ACACB: variants seen among roughly 807,000 people sequenced by gnomAD.
ACACB encodes acetyl-CoA carboxylase beta.
A neutral mutation model predicts 278.8 loss-of-function variants in ACACB; 209 were observed. That is an observed-to-expected ratio of 0.75 (90% confidence interval 0.67 to 0.84). ACACB has a LOEUF of 0.84. Among genes scored for constraint, ACACB ranks in the 40% least tolerant of loss-of-function variants. ACACB has a pLI of 0.00. For synonymous variants in ACACB, 1,174 were observed against 1,285.6 expected, an observed-to-expected ratio of 0.91 and a Z score of 1.86; for missense variants, 2,850 against 3,269.0, an observed-to-expected ratio of 0.87 and a Z score of 3.13.
chr12:109,238,513 T>C (rs2046704073), intron 34 of ACACB, among the ~76,000 whole-genome samples: 1 of 144,712 alleles, frequency 6.9e-6, no homozygotes, highest in Non-Finnish European at 1.5e-5. Flanking sequence ...TAATACATAT[T>C]ATATGTATTT....
chr12:109,126,084 G>A (rs1437776606), intron 1 of ACACB, among the ~76,000 whole-genome samples: 1 of 152,170 alleles, frequency 6.6e-6, no homozygotes, highest in Non-Finnish European at 1.5e-5. Context: ...TGATGAATGA[G>A]TGAATGGCTG....
chr12:109,262,875 C>T (rs924830732), intron 49 of ACACB: 2 of 149,272 alleles, frequency 1.3e-5, no homozygotes, highest in Admixed American at 6.8e-5. Flanking sequence ...CCTCAGCCTC[C>T]CAAAATGCTG....
intron 9 of ACACB, among the ~76,000 whole-genome samples, chr12:109,177,534 A>G (rs2044318347): frequency 6.6e-6 from 1 of 152,160 alleles, no homozygotes. Flanking sequence ...TTTCACTACC[A>G]TTGTATCGCT....
intron 13 of ACACB, among the ~76,000 whole-genome samples, chr12:109,188,924 C>G (rs148926065): frequency 6.6e-6 from 1 of 152,054 alleles, no homozygotes; most frequent in African/African-American, 2.4e-5. Flanking sequence ...TATTTCACAC[C>G]GAAGACTAAA....
At chr12:109,256,061 C>A (rs2136792180) in intron 44 of ACACB, 79 bp from the exon 45 acceptor site, 1 of 1,142,236 alleles carries the variant, frequency 8.8e-7, no homozygotes, top group Non-Finnish European at 1.3e-6. Context: ...CCTTAGGGAG[C>A]TTTTGCACAG....
intron 11 of ACACB, among the ~76,000 whole-genome samples, chr12:109,181,642 T>C (rs1366755196): frequency 6.6e-6 from 1 of 152,146 alleles, no homozygotes; most frequent in Non-Finnish European, 1.5e-5. Context: ...CTCTTCGATA[T>C]ACTGATTTCC....
At chr12:109,218,791 C>T (rs1304158513) in intron 24 of ACACB, among the ~76,000 whole-genome samples, 1 of 144,644 alleles carries the variant, frequency 6.9e-6, no homozygotes, top group African/African-American at 2.5e-5. Context: ...TTTTTTGAGG[C>T]AGAGTCTCAC....
rs1449847504 is a variant in ACACB, at chr12:109,233,983, T to C, written c.4285T>C (p.Cys1429Arg). 2 of 1,614,134 alleles carry C rather than the reference T, an allele frequency of 1.2e-6. No individual in the cohort carries two copies. The highest frequency in any genetic ancestry group is 1.1e-5 in the South Asian group (1 of 91,056). ...CCACATTCTGAATGTGTCCATCCAGTGTGCAGACCACCTGGAGGATGAGGC... is the reference window on the plus strand; with the variant it reads ...CCACATTCTGAATGTGTCCATCCAGCGTGCAGACCACCTGGAGGATGAGGC... ...PIHILNVSIQ[C>R]ADHLEDEALV... Residue 1429 changes from cysteine to arginine, a missense_variant, in exon 31 of 53, where the codon TGT (cysteine) becomes CGT (arginine). Transcript: ENST00000338432.
intron 1 of ACACB, chr12:109,131,475 C>T (rs1159267305): frequency 6.6e-6 from 1 of 152,628 alleles, no homozygotes; most frequent in African/African-American, 2.4e-5. Flanking sequence ...GAGGAAAAAT[C>T]CAAGCATGGA....
At chr12:109,204,405 G>T (rs2045432719) in intron 19 of ACACB, among the ~76,000 whole-genome samples, 1 of 150,798 alleles carries the variant, frequency 6.6e-6, no homozygotes, top group Non-Finnish European at 1.5e-5. Context: ...CTCCTGAGTA[G>T]CTGGGACTTA....
At position 109,174,248 on chromosome 12, in the gene ACACB, T is replaced by C; in HGVS notation, c.1216+18T>C. On this transcript the variant is annotated intron_variant, in intron 7 of 52. Transcript: ENST00000338432. ...TGGAAGCGGTAAGGGACCCCGAGCT[T>C]CCCTCTGGGGGAGCTTCTCAGCCCA... The C allele has an allele frequency of 6.3e-7, 1 of 1,592,082 alleles. No individual in the cohort carries two copies. Among genetic ancestry groups the C allele is most frequent in the Non-Finnish European group, 8.6e-7 (1 of 1,166,812 alleles).
chr12:109,188,204 T>C, intron 13 of ACACB, 42 bp downstream of exon 13: 1 of 1,323,608 alleles, frequency 7.6e-7, no homozygotes, highest in Non-Finnish European at 1.1e-6. Flanking sequence ...CTTCCTTCCT[T>C]CCTTCCTTCC....
intron 9 of ACACB, 134 bp from the exon 10 acceptor site, chr12:109,178,954 A>G (rs1309067246): frequency 1.2e-6 from 1 of 808,038 alleles, no homozygotes; most frequent in Admixed American, 2.4e-5. Context: ...AACAAAAGTA[A>G]AAGATCAGCA....
intron 28 of ACACB, among the ~76,000 whole-genome samples, chr12:109,231,760 G>T (rs967047560): frequency 2.0e-5 from 3 of 152,190 alleles, no homozygotes; most frequent in Admixed American, 6.5e-5. Context: ...GTGGATTCAC[G>T]CAGGGTGCAC....
At chr12:109,160,990 ACTTT>A (rs1230861838) in intron 2 of ACACB, among the ~76,000 whole-genome samples, 1 of 152,128 alleles carries the variant, frequency 6.6e-6, no homozygotes, top group East Asian at 1.9e-4. Context: ...GATGTCTCAG[ACTTT>A]CTGAAGCTGA....
chr12:109,254,182 G>T lies in ACACB; in HGVS notation c.6046-32G>T, dbSNP rs151129474. ...AGAGGTATTATTGACAAGCACCACA[G>T]ACTAAGTCAGAGACTTGGCTTTCTT... On this transcript the variant is annotated intron_variant, in intron 43 of 52. Coordinates refer to ENST00000338432, the MANE Select transcript of ACACB (RefSeq NM_001093.4). 329 of 1,612,734 alleles carry T rather than the reference G, an allele frequency of 2.0e-4. 1 individual carries two copies. In the African/African-American group the frequency reaches 4.0e-3, roughly 19 times the overall value.
Position 109,176,190 on chromosome 12 carries a change from C to T in ACACB, c.1364C>T (p.Ala455Val), listed in dbSNP as rs755845802. ...ATTGGTTTTCCATTGATGATCAAAG[C>T]TTCTGAAGGTGGCGGAGGGAAGGGA... Reference protein sequence around the residue: ...ERIGFPLMIKASEGGGGKGIR... With the variant: ...ERIGFPLMIKVSEGGGGKGIR... The change falls in exon 9 of 53, where the codon GCT becomes GTT. Residue 455 changes from alanine to valine, a missense_variant. Physicochemically the swap from Ala to Val is moderately conservative, Grantham distance 64. This residue lies in a region of ACACB where 2,265 missense variants were observed against 2,561.3 expected (regional missense o/e 0.88). Coordinates refer to ENST00000338432, the MANE Select transcript of ACACB (RefSeq NM_001093.4). The T allele has an allele frequency of 1.9e-6, 3 of 1,614,180 alleles. No individual in the cohort carries two copies. The highest frequency in any genetic ancestry group is 2.2e-5 in the South Asian group (2 of 91,080).
intron 49 of ACACB, 51 bp downstream of exon 49, chr12:109,262,520 T>A (rs1276010562): frequency 1.6e-6 from 2 of 1,215,434 alleles, no homozygotes; most frequent in Non-Finnish European, 2.4e-6. Context: ...GAGGCCCAGC[T>A]GGCCCACTGC....
At chr12:109,181,229 C>CTTTTTTTTTT (rs1219593155) in intron 11 of ACACB, among the ~76,000 whole-genome samples, 1 of 130,786 alleles carries the variant, frequency 7.6e-6, no homozygotes, top group African/African-American at 2.9e-5. Context: ...TTTTTCTTTT[C>CTTTTTTTTTT]TTTTTTTTTT....
Sources: gnomAD v4.1 joint callset for allele counts (sites outside exome capture counted in the v4.1 genomes callset) on GRCh38, gnomAD v4.1.1 for gene constraint, gnomAD v4.1.1 regional missense constraint, MANE v1.5 for transcripts, NCBI Gene and HGNC (gene_info 2026-07-23, HGNC 2026-07-21) for gene names.